MAGI1: variants seen among roughly 807,000 people sequenced by gnomAD.
MAGI1 encodes the protein membrane associated guanylate kinase, WW and PDZ domain containing 1, also known as membrane-associated guanylate kinase, WW and PDZ domain-containing protein 1.
Under a neutral mutation model 139.9 loss-of-function variants are expected in MAGI1, and 58 were observed. The observed-to-expected ratio is 0.41, with a 90% CI of 0.34 to 0.52. The LOEUF (loss-of-function observed/expected upper bound fraction) is 0.52, where lower values mean the gene tolerates loss of function less well. MAGI1 is among the 20% of genes least tolerant of loss of function. The pLI, the probability that MAGI1 is intolerant of heterozygous loss-of-function variation, is 0.12. For missense variants in MAGI1, 1,874 were observed against 1,901.6 expected (o/e 0.99, Z 0.27); for synonymous variants, 812 against 737.9 (o/e 1.10, Z -1.63).
intron 1 of MAGI1, among the ~76,000 whole-genome samples, chr3:65,909,004 C>G (rs974751455): frequency 2.6e-5 from 4 of 152,044 alleles, no homozygotes; most frequent in Non-Finnish European, 5.9e-5. Flanking sequence ...ATCAAATAAC[C>G]CATTTTCTAG....
chr3:65,471,255 G>T (rs554422457), intron 4 of MAGI1, among the ~76,000 whole-genome samples: 1 of 152,198 alleles, frequency 6.6e-6, no homozygotes, highest in South Asian at 2.1e-4. Flanking sequence ...AAGTATCCCC[G>T]AATGGCATTA....
At chr3:65,689,709 T>C (rs1447573867) in intron 1 of MAGI1, among the ~76,000 whole-genome samples, 1 of 152,242 alleles carries the variant, frequency 6.6e-6, no homozygotes, top group Admixed American at 6.5e-5. Flanking sequence ...TGTCAGGACC[T>C]GTTAACTTTA....
At chr3:65,453,056 CTT>C in intron 6 of MAGI1, 200 bp downstream of exon 6, 1 of 577,416 alleles carries the variant, frequency 1.7e-6, no homozygotes. Flanking sequence ...AAGCATCTGT[CTT>C]TATGTGTAAA....
intron 6 of MAGI1, among the ~76,000 whole-genome samples, chr3:65,449,148 T>C (rs1165681289): frequency 3.5e-5 from 5 of 144,486 alleles, no homozygotes; most frequent in African/African-American, 1.0e-4. Context: ...GGAGGAGGGA[T>C]AGCATTAGGA....
Position 65,570,934 on chromosome 3 carries a change from C to T in MAGI1, c.430+51038G>A, listed in dbSNP as rs13321118. Among the ~76,000 whole-genome samples, 1,228 of 152,226 alleles carry T rather than the reference C, an allele frequency of 8.1e-3. 17 individuals carry two copies. Among genetic ancestry groups the T allele is most frequent in the African/African-American group, 0.028 (1,173 of 41,544 alleles). On this transcript the variant is annotated intron_variant, in intron 2 of 22. Transcript: ENST00000402939. Reference sequence around the variant, plus strand: ...AAACAAGCAAACCAAACTCAATTACCGAATAACACTCAATTTTGCCAATGG... The same window carrying T: ...AAACAAGCAAACCAAACTCAATTACTGAATAACACTCAATTTTGCCAATGG...
intron 1 of MAGI1, among the ~76,000 whole-genome samples, chr3:65,829,598 A>G (rs1459566658): frequency 6.6e-6 from 1 of 152,180 alleles, no homozygotes; most frequent in Non-Finnish European, 1.5e-5. Flanking sequence ...ATGCTTGTAA[A>G]TTACCCAGTC....
intron 3 of MAGI1, among the ~76,000 whole-genome samples, chr3:65,483,199 C>T (rs948262332): frequency 2.6e-5 from 4 of 152,214 alleles, no homozygotes; most frequent in African/African-American, 9.6e-5. Flanking sequence ...AAAACTCTGG[C>T]TGTCTTATTT....
rs150805635 is a variant in MAGI1, at chr3:65,841,714, C to T, written c.313+196282G>A. Reference sequence around the variant, plus strand: ...ATGCTGGGATTACAGGCATGAGCCACCGTGCTCGGCCAATTTTCCTCTTTT... The same window carrying T: ...ATGCTGGGATTACAGGCATGAGCCATCGTGCTCGGCCAATTTTCCTCTTTT... On this transcript the variant is annotated intron_variant, in intron 1 of 22. Transcript: ENST00000402939. 2.5e-3 allele frequency among the ~76,000 whole-genome samples: 385 copies of T among 152,238 alleles called. 10 individuals are homozygous for T. In the East Asian group the frequency reaches 0.064, roughly 25 times the overall value.
chr3:65,548,919 C>A (rs909700805), intron 2 of MAGI1, among the ~76,000 whole-genome samples: 8 of 152,110 alleles, frequency 5.3e-5, no homozygotes, highest in Non-Finnish European at 8.8e-5. Flanking sequence ...GCGGGGTCGG[C>A]GGGAACGGGA....
At chr3:65,702,105 G>T (rs1400819396) in intron 1 of MAGI1, among the ~76,000 whole-genome samples, 1 of 152,026 alleles carries the variant, frequency 6.6e-6, no homozygotes, top group Non-Finnish European at 1.5e-5. Context: ...AAATCTGAAG[G>T]TTTCTGATCA....
At chr3:65,927,242 A>T (rs1234532309) in intron 1 of MAGI1, among the ~76,000 whole-genome samples, 2 of 152,176 alleles carry the variant, frequency 1.3e-5, no homozygotes, top group African/African-American at 2.4e-5. Context: ...CTTGTGCAAG[A>T]TCCAGGGACC....
At chr3:65,719,243 A>C (rs1176680138) in intron 1 of MAGI1, among the ~76,000 whole-genome samples, 1 of 151,866 alleles carries the variant, frequency 6.6e-6, no homozygotes, top group East Asian at 1.9e-4. Context: ...TTATATGGAT[A>C]TATATTACAT....
At chr3:65,469,562 A>G (rs1053369775) in intron 5 of MAGI1, among the ~76,000 whole-genome samples, 10 of 151,888 alleles carry the variant, frequency 6.6e-5, no homozygotes, top group Admixed American at 6.6e-4. Context: ...CTGTTCTCAA[A>G]CCTAATTCAT....
chr3:65,609,218 A>G (rs529817251), intron 2 of MAGI1, among the ~76,000 whole-genome samples: 2 of 152,032 alleles, frequency 1.3e-5, no homozygotes, highest in South Asian at 4.1e-4. Context: ...TTACCAAACC[A>G]TGCAGTTAAG....
At chr3:65,627,196 T>G (rs1260445851) in intron 1 of MAGI1, among the ~76,000 whole-genome samples, 1 of 152,188 alleles carries the variant, frequency 6.6e-6, no homozygotes, top group Non-Finnish European at 1.5e-5. Context: ...AGTAACATAC[T>G]GTGCAGATTG....
At chr3:65,831,606 G>A (rs145158201) in intron 1 of MAGI1, among the ~76,000 whole-genome samples, 8 of 152,216 alleles carry the variant, frequency 5.3e-5, no homozygotes, top group African/African-American at 1.2e-4. Context: ...TAAAAATGCC[G>A]TTTTTGAACT....
At chr3:65,935,645 C>T (rs776151335) in intron 1 of MAGI1, among the ~76,000 whole-genome samples, 1 of 152,126 alleles carries the variant, frequency 6.6e-6, no homozygotes, top group East Asian at 1.9e-4. Context: ...GTAGAGTCTA[C>T]TACCTCACCC....
At chr3:65,398,922 C>T (rs1168878797) in intron 13 of MAGI1, among the ~76,000 whole-genome samples, 1 of 151,776 alleles carries the variant, frequency 6.6e-6, no homozygotes, top group East Asian at 1.9e-4. Context: ...CAGGGACTAT[C>T]CAGGAGAAGA....
At chr3:65,847,292 C>T (rs1188437699) in intron 1 of MAGI1, among the ~76,000 whole-genome samples, 1 of 152,136 alleles carries the variant, frequency 6.6e-6, no homozygotes, top group Admixed American at 6.5e-5. Flanking sequence ...TGGCTCAATG[C>T]TTTAGAATTC....
Sources: gnomAD v4.1 joint callset for allele counts (sites outside exome capture counted in the v4.1 genomes callset) on GRCh38, gnomAD v4.1.1 for gene constraint, MANE v1.5 for transcripts, NCBI Gene and HGNC (gene_info 2026-07-23, HGNC 2026-07-21) for gene names.